The following TERF1 variants were observed in gnomAD, a reference collection of about 807,000 sequenced individuals.
TERF1 encodes telomeric repeat binding factor 1.
In TERF1, 20 loss-of-function variants were observed where a neutral mutation model predicts 55.1. That is an observed-to-expected ratio of 0.36 (90% CI 0.26 to 0.53). The LOEUF is 0.53. Ranked by LOEUF, TERF1 falls within the 20% of genes least tolerant of loss-of-function variation. The probability of loss-of-function intolerance (pLI) is 0.91; values close to 1 mark genes in which losing one functional copy is unlikely to be tolerated. For missense variants in TERF1, 439 were observed against 535.7 expected (o/e 0.82, Z 1.78); for synonymous variants, 168 against 181.2 (o/e 0.93, Z 0.59).
intron 4 of TERF1, among the ~76,000 whole-genome samples, chr8:73,023,279 C>T (rs901165084): frequency 2.0e-5 from 3 of 152,198 alleles, no homozygotes; most frequent in Non-Finnish European, 4.4e-5. Flanking sequence ...ATTCTAGTTG[C>T]TCCACACACC....
intron 8 of TERF1, among the ~76,000 whole-genome samples, chr8:73,037,819 TAA>T (rs1237744369): frequency 5.8e-5 from 6 of 104,028 alleles, no homozygotes; most frequent in African/African-American, 2.3e-4. Context: ...ATATTATATA[TAA>T]TATATAGTAT....
chr8:73,029,157 A>G (rs746697167), intron 6 of TERF1, among the ~76,000 whole-genome samples: 1 of 152,184 alleles, frequency 6.6e-6, no homozygotes, highest in Non-Finnish European at 1.5e-5. Flanking sequence ...TGTGATTGTG[A>G]GGTCAGACAA....
intron 3 of TERF1, among the ~76,000 whole-genome samples, chr8:73,021,937 T>C (rs1808775248): frequency 6.6e-6 from 1 of 152,194 alleles, no homozygotes; most frequent in Non-Finnish European, 1.5e-5. Flanking sequence ...CTAATTTATT[T>C]ATTAATACAT....
At chr8:73,028,912 G>A (rs758729594) in intron 6 of TERF1, among the ~76,000 whole-genome samples, 3 of 152,144 alleles carry the variant, frequency 2.0e-5, no homozygotes, top group Admixed American at 1.3e-4. Context: ...TAGCTTTGAA[G>A]CATCTTAATT....
intron 2 of TERF1, among the ~76,000 whole-genome samples, chr8:73,014,831 G>T (rs553114721): frequency 1.6e-4 from 24 of 152,282 alleles, no homozygotes; most frequent in African/African-American, 5.3e-4. Flanking sequence ...GGGGGTGAGG[G>T]TAGGTCTGGA....
intron 4 of TERF1, among the ~76,000 whole-genome samples, chr8:73,023,228 C>T (rs1362425864): frequency 1.3e-5 from 2 of 152,162 alleles, no homozygotes; most frequent in Non-Finnish European, 2.9e-5. Context: ...CCAAACTGTT[C>T]TCCAAAGTAG....
intron 3 of TERF1, among the ~76,000 whole-genome samples, chr8:73,021,047 C>T (rs571589252): frequency 6.6e-6 from 1 of 152,132 alleles, no homozygotes; most frequent in Admixed American, 6.5e-5. Context: ...TGTGCACTCT[C>T]AATTGATGCT....
At chr8:73,010,196 A>C (rs1275621363) in intron 1 of TERF1, 2 of 152,234 alleles carry the variant, frequency 1.3e-5, no homozygotes, top group African/African-American at 2.4e-5. Flanking sequence ...ATTTTGACAC[A>C]TTTCATCTTC....
In TERF1 at chr8:73,032,096, C is replaced by A. The variant is rs147786410; in HGVS notation, c.1002C>A (p.Asp334Glu). The change falls in exon 8 of 10, where the codon GAC becomes GAA. Residue 334 changes from aspartate (D) to glutamate (E), a missense_variant. Transcript: ENST00000276603. The part of the protein sequence containing the change: ...SKLQHGTQQQ[D>E]LNKKERRVGT... The stretch of plus-strand genomic sequence containing the variant: ...TGCAACATGGAACCCAGCAACAAGA[C>A]CTTAATAAGAAAGAAAGAAGAGTAG... 140 of 1,612,184 alleles carry A rather than the reference C, an allele frequency of 8.7e-5. No individual in the cohort carries two copies. The African/African-American group carries it at 1.6e-3, about 18-fold the overall frequency.
chr8:73,028,432 C>T (rs867238995), intron 6 of TERF1, among the ~76,000 whole-genome samples: 1 of 152,096 alleles, frequency 6.6e-6, no homozygotes, highest in South Asian at 2.1e-4. Flanking sequence ...CAAATCCATC[C>T]TTGACATAAC....
chr8:73,025,623 G>A (rs1271528176), intron 5 of TERF1, among the ~76,000 whole-genome samples: 1 of 151,974 alleles, frequency 6.6e-6, no homozygotes, highest in Non-Finnish European at 1.5e-5. Flanking sequence ...TGGGTGTGGT[G>A]GCAGGTGCCT....
intron 5 of TERF1, among the ~76,000 whole-genome samples, chr8:73,025,724 T>C (rs1403666626): frequency 2.5e-5 from 3 of 119,998 alleles, no homozygotes; most frequent in Non-Finnish European, 4.8e-5. Context: ...GCCACTGCAC[T>C]CCAGCCTGGG....
intron 8 of TERF1, among the ~76,000 whole-genome samples, chr8:73,034,674 C>T (rs1809432713): frequency 6.6e-6 from 1 of 152,146 alleles, no homozygotes; most frequent in Non-Finnish European, 1.5e-5. Context: ...CAGATTTCAT[C>T]AGTGCAGAAA....
In TERF1 at chr8:73,013,895, C is replaced by G. The variant is rs1808380757; in HGVS notation, c.320C>G (p.Ala107Gly). The G allele has an allele frequency of 6.3e-7, 1 of 1,589,188 alleles. No homozygotes were observed. ...AAAATTTACTTTTTTTCTTTTTTAG[C>G]TATTATTCATGGACTATCCAGTCTA... Reference protein sequence around the residue: ...DFRRTRNSAEAIIHGLSSLTA... With the variant: ...DFRRTRNSAEGIIHGLSSLTA... The change falls in exon 2 of 10, where the codon GCT becomes GGT. Residue 107 changes from alanine (A) to glycine (G), a missense_variant and splice_region_variant. By Grantham distance (60) the Ala-to-Gly change is moderately conservative (BLOSUM62 0). Coordinates refer to ENST00000276603, the MANE Select transcript of TERF1 (RefSeq NM_017489.3).
chr8:73,030,237 T>C, intron 6 of TERF1, 99 bp from the exon 7 acceptor site: 1 of 766,008 alleles, frequency 1.3e-6, no homozygotes. Flanking sequence ...CAAAGTTATT[T>C]TTTTATAAAT....
At chr8:73,038,636 G>A (rs75820674) in intron 8 of TERF1, 3,871 of 304,584 alleles carry the variant, frequency 0.013, 62 homozygotes, top group African/African-American at 0.047. Flanking sequence ...AATTCTATTT[G>A]TAGATTCTCT....
At chr8:73,019,213 T>C (rs1014393368) in intron 2 of TERF1, among the ~76,000 whole-genome samples, 6 of 151,760 alleles carry the variant, frequency 4.0e-5, no homozygotes, top group African/African-American at 1.5e-4. Flanking sequence ...AGATGTGGTG[T>C]GGGGGTGGGG....
chr8:73,039,772 T>C (rs960268321), intron 9 of TERF1, among the ~76,000 whole-genome samples: 6 of 66,594 alleles, frequency 9.0e-5, no homozygotes, highest in Non-Finnish European at 1.7e-4. Flanking sequence ...GTTTTTGTGG[T>C]GTGTGTGTGT....
chr8:73,014,525 C>T (rs183393260), intron 2 of TERF1, among the ~76,000 whole-genome samples: 9 of 152,274 alleles, frequency 5.9e-5, no homozygotes, highest in Admixed American at 5.9e-4. Context: ...AATCTCTCTC[C>T]CTTGTCTCTG....
Sources: gnomAD v4.1 joint callset for allele counts (sites outside exome capture counted in the v4.1 genomes callset) on GRCh38, gnomAD v4.1.1 for gene constraint, MANE v1.5 for transcripts, NCBI Gene and HGNC (gene_info 2026-07-23, HGNC 2026-07-21) for gene names.